RNF213: variants seen among roughly 807,000 people sequenced by gnomAD.
The protein encoded by RNF213 is ring finger protein 213, also known as E3 ubiquitin-protein ligase RNF213.
RNF213 carries 341 observed loss-of-function variants against 514.4 expected under a neutral mutation model. The observed-to-expected ratio is 0.66, with a 90% CI of 0.61 to 0.73. The LOEUF (loss-of-function observed/expected upper bound fraction) is 0.73, where lower values mean the gene tolerates loss of function less well. Among genes scored for constraint, RNF213 ranks in the 30% least tolerant of loss-of-function variants. The pLI, the probability that RNF213 is intolerant of heterozygous loss-of-function variation, is 0.00. For missense variants in RNF213, 5,767 were observed against 6,615.6 expected, an observed-to-expected ratio of 0.87 and a Z score of 4.45; for synonymous variants, 2,655 against 2,658.2, an observed-to-expected ratio of 1.00 and a Z score of 0.04.
intron 25 of RNF213, 132 bp from the exon 26 acceptor site, chr17:80,339,062 GAGGCCTT>G: frequency 1.9e-5 from 10 of 528,328 alleles, no homozygotes; most frequent in South Asian, 8.3e-5. Flanking sequence ...GATGAGGAGG[GAGGCCTT>G]GTGAGCGCAG....
rs2078617009 is a variant in RNF213 at position 80,353,642 on chromosome 17, A to G, written c.10554A>G (p.Glu3518=). 1 of 1,614,144 alleles carries G rather than the reference A, an allele frequency of 6.2e-7. No homozygotes were observed. Among genetic ancestry groups the G allele is most frequent in the East Asian group, 2.2e-5 (1 of 44,884 alleles). Residue 3518 remains glutamate, a synonymous_variant, in exon 34 of 68, where the codon GAA becomes GAG. Transcript: ENST00000582970. The surrounding 1 kb of genome is among the most constrained non-coding windows in gnomAD (Gnocchi z 5.0). ...AAAGTTCTGAGAAGGTGGGAAAGGAAACCTCTGAACTCGGAGGCAGTGATG... is the reference window on the plus strand; with the variant it reads ...AAAGTTCTGAGAAGGTGGGAAAGGAGACCTCTGAACTCGGAGGCAGTGATG... The part of the protein sequence containing the change: ...ETESSEKVGK[E]TSELGGSDVS...
At chr17:80,370,005 G>C in intron 46 of RNF213, 138 bp downstream of exon 46, 1 of 723,478 alleles carries the variant, frequency 1.4e-6, no homozygotes, top group South Asian at 1.4e-5. Flanking sequence ...GACACAGCCT[G>C]GTTACTTGTA....
rs905558696 is a variant in RNF213, at chr17:80,377,089, T to A, written c.13510+126T>A. 1.1e-5 allele frequency: 8 copies of A among 727,094 alleles called. No homozygotes were observed. Among genetic ancestry groups the A allele is most frequent in the Non-Finnish European group, 2.0e-5 (8 of 407,214 alleles). The allele number at this position is 727,094 out of a possible 1,614,324, so 45.0% of individuals were successfully genotyped here. Reference sequence around the variant, plus strand: ...GCCTCAGGGTCCAAAACCACCTGCATTCTACCGGTGGCGTCTGCAGAAGAC... The same window carrying A: ...GCCTCAGGGTCCAAAACCACCTGCAATCTACCGGTGGCGTCTGCAGAAGAC... On this transcript the variant is annotated intron_variant, in intron 53 of 67. Coordinates refer to ENST00000582970, the MANE Select transcript of RNF213 (RefSeq NM_001256071.3). The surrounding 1 kb of genome is among the most constrained non-coding windows in gnomAD (Gnocchi z 4.1).
chr17:80,373,018 G>C lies in RNF213; in HGVS notation c.12795G>C (p.Gln4265His), dbSNP rs1270444004. Residue 4265 changes from glutamine (Q) to histidine (H), a missense_variant, in exon 49 of 68, where the codon CAG becomes CAC. Physicochemically the swap from Gln to His is conservative, Grantham distance 24. This residue lies in a region of RNF213 where 1,245 missense variants were observed against 1,339.0 expected (regional missense o/e 0.93). Coordinates refer to ENST00000582970, the MANE Select transcript of RNF213 (RefSeq NM_001256071.3). Reference sequence around the variant, plus strand: ...AGTGCTACCTGCAGCAAGTCAAGCAGTTCTGTATCCGGGTGGAGAACGACT... The same window carrying C: ...AGTGCTACCTGCAGCAAGTCAAGCACTTCTGTATCCGGGTGGAGAACGACT... Reference protein sequence around the residue: ...EKQCYLQQVKQFCIRVENDWH... With the variant: ...EKQCYLQQVKHFCIRVENDWH... The C allele has an allele frequency of 1.2e-6, 2 of 1,613,940 alleles. No individual in the cohort carries two copies. The highest frequency in any genetic ancestry group is 2.7e-5 in the African/African-American group (2 of 74,906).
intron 3 of RNF213, among the ~76,000 whole-genome samples, 180 bp from the exon 4 acceptor site, chr17:80,287,635 C>A (rs7206993): frequency 6.6e-6 from 1 of 152,038 alleles, no homozygotes; most frequent in African/African-American, 2.4e-5. Flanking sequence ...ACCCTGCCCA[C>A]CCCCCACTTT....
intron 54 of RNF213, 62 bp from the exon 55 acceptor site, chr17:80,379,558 G>C (rs2079901433): frequency 7.0e-7 from 1 of 1,421,656 alleles, no homozygotes; most frequent in Non-Finnish European, 1.0e-6. Context: ...TTTGCATGAT[G>C]GCATTTGTGC....
At position 80,347,767 on chromosome 17, in the gene RNF213, C is replaced by T. The variant is rs150377982; in HGVS notation, c.9432C>T (p.Pro3144=). Residue 3144 remains proline (P), a synonymous_variant, in exon 29 of 68, where the codon CCC becomes CCT. Transcript: ENST00000582970. The surrounding 1 kb of genome is among the most constrained non-coding windows in gnomAD (Gnocchi z 7.2). ...GTHRVKCRVH[P]NFRLIVIEEK... ...ACCGCGTCAAATGTCGGGTTCACCC[C>T]AACTTCCGCCTGATTGTCATTGAAG... is the stretch of plus-strand genomic sequence containing the variant. 2 of 1,614,212 alleles carry T rather than the reference C, an allele frequency of 1.2e-6. No homozygotes were observed. The highest frequency in any genetic ancestry group is 1.7e-6 in the Non-Finnish European group (2 of 1,180,044).
At position 80,353,059 on chromosome 17, in the gene RNF213, C is replaced by T. The variant is rs369484242; in HGVS notation, c.10423C>T (p.Leu3475=). Reference sequence around the variant, plus strand: ...GTTCGCGCCCGGAGACTTGCCTGAGCGTGAGTCACGAGGCGGAGCCCCTGG... The same window carrying T: ...GTTCGCGCCCGGAGACTTGCCTGAGTGTGAGTCACGAGGCGGAGCCCCTGG... The part of the protein sequence containing the change: ...QLFAPGDLPE[L]GLEHRAEDGH... Residue 3475 remains leucine, a splice_region_variant and synonymous_variant, in exon 33 of 68, where the codon CTG becomes TTG. Transcript: ENST00000582970. The surrounding 1 kb of genome is among the most constrained non-coding windows in gnomAD (Gnocchi z 5.0). 2.1e-5 allele frequency: 34 copies of T among 1,611,778 alleles called. No homozygotes were observed. The highest frequency in any genetic ancestry group is 1.6e-4 in the Middle Eastern group (1 of 6,084).
intron 17 of RNF213, among the ~76,000 whole-genome samples, chr17:80,322,050 C>CGA (rs2046154363): frequency 6.6e-6 from 1 of 152,000 alleles, no homozygotes; most frequent in African/African-American, 2.4e-5. Context: ...CTGCATTTCT[C>CGA]TGATAACTAA....
At chr17:80,379,553 A>G (rs2079901217) in intron 54 of RNF213, 67 bp from the exon 55 acceptor site, 1 of 1,400,002 alleles carries the variant, frequency 7.1e-7, no homozygotes. Context: ...GTTCATTTGC[A>G]TGATGGCATT....
Position 80,339,760 on chromosome 17 carries a change from A to T in RNF213, c.5393A>T (p.Asp1798Val). 6.5e-7 allele frequency: 1 copy of T among 1,536,830 alleles called. No homozygotes were observed. The highest frequency in any genetic ancestry group is 8.7e-7 in the Non-Finnish European group (1 of 1,146,620). Residue 1798 changes from aspartate (D) to valine (V), a missense_variant, in exon 26 of 68, where the codon GAC (aspartate) becomes GTC (valine). Asp to Val is a radical substitution (Grantham distance 152). Transcript: ENST00000582970. The part of the protein sequence containing the change: ...CLPAFLPDCL[D>V]LETLGHCLAH... ...CCTGCCTTCCTGCCCGACTGCCTCGACCTAGAGACCCTTGGCCACTGTCTG... is the reference window on the plus strand; with the variant it reads ...CCTGCCTTCCTGCCCGACTGCCTCGTCCTAGAGACCCTTGGCCACTGTCTG...
chr17:80,307,134 C>G lies in RNF213; in HGVS notation c.2434C>G (p.Gln812Glu). The G allele has an allele frequency of 6.2e-7, 1 of 1,612,170 alleles. No individual in the cohort carries two copies. The highest frequency in any genetic ancestry group is 8.5e-7 in the Non-Finnish European group (1 of 1,179,436). The stretch of plus-strand genomic sequence containing the variant: ...CTTTTTTTCTCTGCCTTAGGATGTT[C>G]AGGATGTTCAGAACGTTCAGAACAT... ...LEQVLNTQDV[Q>E]DVQNVQNILE... The change falls in exon 13 of 68, where the codon CAG becomes GAG. Residue 812 changes from glutamine (Q) to glutamate (E), a missense_variant. Coordinates refer to ENST00000582970, the MANE Select transcript of RNF213 (RefSeq NM_001256071.3).
chr17:80,312,652 C>T (rs192699797), intron 14 of RNF213, among the ~76,000 whole-genome samples: 36 of 152,308 alleles, frequency 2.4e-4, no homozygotes, highest in East Asian at 1.4e-3. Flanking sequence ...GGAACAGGCC[C>T]GGGAGTCTGC....
Position 80,317,344 on chromosome 17 carries a change from C to A in RNF213, c.2901+67C>A. ...AAGCTGGAGAACCCCAGACCATTAGCGACAGCCAAGAGATCTCAGCAGTGC... is the reference window on the plus strand; with the variant it reads ...AAGCTGGAGAACCCCAGACCATTAGAGACAGCCAAGAGATCTCAGCAGTGC... On this transcript the variant is annotated intron_variant, in intron 16 of 67. Coordinates refer to ENST00000582970, the MANE Select transcript of RNF213 (RefSeq NM_001256071.3). The surrounding 1 kb of genome is among the most constrained non-coding windows in gnomAD (Gnocchi z 4.1). The A allele has an allele frequency of 7.0e-7, 1 of 1,432,904 alleles. No individual in the cohort carries two copies. The highest frequency in any genetic ancestry group is 9.7e-7 in the Non-Finnish European group (1 of 1,028,790). 88.8% of individuals were successfully genotyped at this position (1,432,904 alleles called of 1,614,324 possible).
At chr17:80,284,857 C>T (rs528096370) in intron 3 of RNF213, among the ~76,000 whole-genome samples, 10 of 152,302 alleles carry the variant, frequency 6.6e-5, no homozygotes, top group African/African-American at 1.9e-4. Flanking sequence ...AGAGAGGAAG[C>T]GCTTCCTCAA....
chr17:80,303,214 G>A (rs930664946), intron 11 of RNF213, among the ~76,000 whole-genome samples: 18 of 152,180 alleles, frequency 1.2e-4, no homozygotes, highest in African/African-American at 4.3e-4. Flanking sequence ...GAGAGCTCTG[G>A]AAATTCCTCC....
intron 13 of RNF213, among the ~76,000 whole-genome samples, chr17:80,308,238 G>A (rs2045440949): frequency 6.6e-6 from 1 of 152,008 alleles, no homozygotes. Context: ...CTCTGCCGAT[G>A]TTGATCCAGC....
At chr17:80,311,508 C>G (rs529978646) in intron 14 of RNF213, among the ~76,000 whole-genome samples, 2 of 152,356 alleles carry the variant, frequency 1.3e-5, no homozygotes, top group Non-Finnish European at 2.9e-5. Context: ...GTGCTGTGCT[C>G]TAGTCACTCC....
intron 1 of RNF213, among the ~76,000 whole-genome samples, chr17:80,261,287 G>C (rs2043408963): frequency 6.6e-6 from 1 of 152,204 alleles, no homozygotes; most frequent in African/African-American, 2.4e-5. Flanking sequence ...GTCCGCCCGG[G>C]AATCCTGCGC....
Sources: gnomAD v4.1 joint callset for allele counts (sites outside exome capture counted in the v4.1 genomes callset) on GRCh38, gnomAD v4.1.1 for gene constraint, gnomAD v4.1.1 regional missense constraint, Gnocchi (gnomAD v3.1) non-coding constraint, MANE v1.5 for transcripts, NCBI Gene and HGNC (gene_info 2026-07-23, HGNC 2026-07-21) for gene names.